Variants in RBFOX1 observed in about 807,000 individuals in gnomAD.
RBFOX1 encodes the protein RNA binding fox-1 homolog 1.
RBFOX1 carries 8 observed loss-of-function variants against 57.7 expected under a neutral mutation model. The ratio of observed to expected loss-of-function variants is 0.14; its 90% confidence interval spans 0.08 to 0.25. The LOEUF (loss-of-function observed/expected upper bound fraction) is 0.25, where lower values mean the gene tolerates loss of function less well. Ranked by LOEUF, RBFOX1 falls within the 10% of genes least tolerant of loss-of-function variation. The probability of loss-of-function intolerance (pLI) is 1.00; values close to 1 mark genes in which losing one functional copy is unlikely to be tolerated. For synonymous variants in RBFOX1, 326 were observed against 222.4 expected (o/e 1.47, Z -4.15); for missense variants, 611 against 548.5 (o/e 1.11, Z -1.14).
chr16:5,739,856 C>A (rs1211332129), intron 3 of RBFOX1, among the ~76,000 whole-genome samples: 1 of 152,168 alleles, frequency 6.6e-6, no homozygotes, highest in Non-Finnish European at 1.5e-5. Context: ...AAGCTTCATT[C>A]CAGTTTTTCA....
intron 4 of RBFOX1, among the ~76,000 whole-genome samples, chr16:7,089,462 C>G (rs534454908): frequency 6.6e-6 from 1 of 152,162 alleles, no homozygotes; most frequent in East Asian, 1.9e-4. Flanking sequence ...AAAAACTATA[C>G]TAGCATTTCA....
At chr16:5,905,167 A>G (rs942929803) in intron 4 of RBFOX1, among the ~76,000 whole-genome samples, 1 of 145,864 alleles carries the variant, frequency 6.9e-6, no homozygotes, top group African/African-American at 2.5e-5. Context: ...TCCTAGATTC[A>G]AGTGATTCTC....
At chr16:7,444,519 G>C (rs181249372) in intron 4 of RBFOX1, among the ~76,000 whole-genome samples, 5 of 152,182 alleles carry the variant, frequency 3.3e-5, no homozygotes, top group East Asian at 1.9e-4. Flanking sequence ...CCTCTGACTG[G>C]GTTCTGATTG....
At chr16:6,871,432 C>A (rs1241036162) in intron 3 of RBFOX1, among the ~76,000 whole-genome samples, 1 of 152,130 alleles carries the variant, frequency 6.6e-6, no homozygotes, top group South Asian at 2.1e-4. Context: ...ATGATCTGCT[C>A]ACCTCAGCCT....
At chr16:6,500,896 T>TTGTTTGTTTGTTTGCTTG (rs1555507186) in intron 2 of RBFOX1, among the ~76,000 whole-genome samples, 1 of 142,332 alleles carries the variant, frequency 7.0e-6, no homozygotes, top group Non-Finnish European at 1.5e-5. Flanking sequence ...TTTTTTTTTT[T>TTGTTTGTTTGTTTGCTTG]TTTTTAATGC....
rs368983711 is a variant in RBFOX1, at chr16:7,597,394, A to T, written c.585A>T (p.Val195=). 3.1e-6 allele frequency: 5 copies of T among 1,611,598 alleles called. No homozygotes were observed. Among genetic ancestry groups the T allele is most frequent in the Non-Finnish European group, 4.2e-6 (5 of 1,178,636 alleles). Residue 195 remains valine, a synonymous_variant, in exon 9 of 16, where the codon GTA becomes GTT. Transcript: ENST00000550418. ...AGGTAAATAATGCCACAGCACGTGT[A>T]ATGACAAATAAAAAGACCGTCAACC... ...KIEVNNATAR[V]MTNKKTVNPY...
intron 1 of RBFOX1, among the ~76,000 whole-genome samples, chr16:5,264,982 C>G (rs2062823332): frequency 6.6e-6 from 1 of 151,932 alleles, no homozygotes; most frequent in South Asian, 2.1e-4. Context: ...CCTATTCTGA[C>G]TGATCATGGT....
At chr16:7,211,732 G>T (rs1269399608) in intron 4 of RBFOX1, among the ~76,000 whole-genome samples, 1 of 152,118 alleles carries the variant, frequency 6.6e-6, no homozygotes, top group Non-Finnish European at 1.5e-5. Flanking sequence ...CTCGTGCCAG[G>T]TGGGCATTCG....
intron 14 of RBFOX1, among the ~76,000 whole-genome samples, chr16:7,686,737 A>T (rs1469003773): frequency 1.3e-5 from 2 of 152,148 alleles, no homozygotes; most frequent in Admixed American, 6.6e-5. Context: ...TTCTATTGGA[A>T]TACAGCTTAT....
intron 3 of RBFOX1, among the ~76,000 whole-genome samples, chr16:6,906,212 A>T (rs1051383801): frequency 6.6e-6 from 1 of 150,970 alleles, no homozygotes; most frequent in Admixed American, 6.6e-5. Flanking sequence ...TGCCCATCCT[A>T]TGGGCAACCC....
intron 2 of RBFOX1, among the ~76,000 whole-genome samples, chr16:6,623,083 C>T (rs2098256399): frequency 6.6e-6 from 1 of 152,198 alleles, no homozygotes; most frequent in Non-Finnish European, 1.5e-5. Flanking sequence ...AAATTACCTG[C>T]TGTGTCCCTT....
At chr16:6,322,470 A>G (rs1180037685) in intron 2 of RBFOX1, among the ~76,000 whole-genome samples, 5 of 152,132 alleles carry the variant, frequency 3.3e-5, no homozygotes, top group Admixed American at 6.5e-5. Context: ...CTTTTAGTCT[A>G]CACTTCTATG....
chr16:7,617,177 A>G (rs2058580712), intron 10 of RBFOX1, among the ~76,000 whole-genome samples: 1 of 152,122 alleles, frequency 6.6e-6, no homozygotes, highest in Non-Finnish European at 1.5e-5. Flanking sequence ...TCTTCAAACA[A>G]CTTATCACTG....
intron 1 of RBFOX1, among the ~76,000 whole-genome samples, chr16:6,147,514 T>C (rs575470962): frequency 4.1e-4 from 62 of 152,258 alleles, no homozygotes; most frequent in Admixed American, 2.7e-3. Flanking sequence ...TCTACACATA[T>C]GTACCCATGT....
chr16:6,490,898 C>G (rs1349733037), intron 2 of RBFOX1, among the ~76,000 whole-genome samples: 2 of 152,074 alleles, frequency 1.3e-5, no homozygotes, highest in Non-Finnish European at 2.9e-5. Flanking sequence ...TGTCAAATGT[C>G]CTTTTTTAAT....
At chr16:5,407,183 A>G (rs1369466786) in intron 1 of RBFOX1, among the ~76,000 whole-genome samples, 1 of 152,026 alleles carries the variant, frequency 6.6e-6, no homozygotes, top group Non-Finnish European at 1.5e-5. Flanking sequence ...CGTTTATAAA[A>G]CCATCAGATC....
chr16:5,981,816 A>T (rs879671136), intron 4 of RBFOX1, among the ~76,000 whole-genome samples: 1 of 152,110 alleles, frequency 6.6e-6, no homozygotes, highest in African/African-American at 2.4e-5. Context: ...CCCTGAACGG[A>T]CGTTTGACAA....
chr16:6,943,014 C>G (rs777741406), intron 3 of RBFOX1, among the ~76,000 whole-genome samples: 8 of 152,152 alleles, frequency 5.3e-5, no homozygotes, highest in Admixed American at 1.3e-4. Context: ...CTCTTCCTAC[C>G]CAGACCCAAA....
At chr16:5,917,573 G>A (rs9936843) in intron 4 of RBFOX1, among the ~76,000 whole-genome samples, 1 of 152,194 alleles carries the variant, frequency 6.6e-6, no homozygotes, top group African/African-American at 2.4e-5. Context: ...GAAGGAAGGA[G>A]ACTCAAACTC....
Sources: allele counts gnomAD v4.1 joint callset (sites outside exome capture counted in the v4.1 genomes callset), GRCh38; gene constraint gnomAD v4.1.1; transcripts MANE v1.5; gene names NCBI Gene and HGNC (gene_info 2026-07-23, HGNC 2026-07-21).